Variants in KIAA1191 observed in about 807,000 individuals in gnomAD.
KIAA1191 encodes KIAA1191.
Under a neutral mutation model 31.1 loss-of-function variants are expected in KIAA1191, and 22 were observed. That is an observed-to-expected ratio of 0.71 (90% CI 0.51 to 1.01). KIAA1191 has a LOEUF of 1.01. Ranked by LOEUF, KIAA1191 falls within the 50% of genes least tolerant of loss-of-function variation. KIAA1191 has a pLI of 0.00. For missense variants in KIAA1191, 319 were observed against 388.0 expected (o/e 0.82, Z 1.49); for synonymous variants, 130 against 143.9 (o/e 0.90, Z 0.69).
intron 4 of KIAA1191, chr5:176,354,612 A>G (rs1049838650): frequency 2.0e-5 from 3 of 152,522 alleles, no homozygotes; most frequent in Non-Finnish European, 4.4e-5. Flanking sequence ...GAGGATGGCC[A>G]TGGGCAAAGG....
chr5:176,348,009 G>A lies in KIAA1191; in HGVS notation c.621C>T (p.Thr207=), dbSNP rs1393031936. ...CCTTATCCCCACTTCCAGAGTCCAT[G>A]GTGCTAGGATTTGGGCCAGGTAAGG... ...STALPGPNPS[T]MDSGSGDKDR... Residue 207 remains threonine, a synonymous_variant, in exon 8 of 9, where the codon ACC becomes ACT. Transcript: ENST00000298569. 1.9e-6 allele frequency: 3 copies of A among 1,614,104 alleles called. No homozygotes were observed. The East Asian group carries it at 6.7e-5, about 36-fold the overall frequency.
chr5:176,355,696 G>T lies in KIAA1191; in HGVS notation c.82C>A (p.Arg28Ser), dbSNP rs142174283. 5.6e-6 allele frequency: 9 copies of T among 1,613,618 alleles called. No homozygotes were observed. Among genetic ancestry groups the T allele is most frequent in the Non-Finnish European group, 7.6e-6 (9 of 1,180,038 alleles). The change falls in exon 4 of 9, where the codon CGC becomes AGC. Residue 28 changes from arginine to serine, a missense_variant. Arg to Ser is a moderately radical substitution (Grantham distance 110). Transcript: ENST00000298569. This position sits in a 1 kb window ranked among gnomAD's most constrained non-coding sequence, Gnocchi z 4.2. ...GKMSLPIGIY[R>S]RAVSYDDTLE... ...GTATCATCATAGCTGACTGCCCGGC[G>T]GTATATCCCGATGGGCAGGGACATC...
At chr5:176,353,450 G>A (rs1316485709) in intron 4 of KIAA1191, 1 of 152,204 alleles carries the variant, frequency 6.6e-6, no homozygotes, top group Admixed American at 6.5e-5. Context: ...GAGAGAACAA[G>A]ACTTATTCTT....
At chr5:176,357,434 T>A (rs897612641) in intron 3 of KIAA1191, among the ~76,000 whole-genome samples, 1 of 152,216 alleles carries the variant, frequency 6.6e-6, no homozygotes, top group Non-Finnish European at 1.5e-5. Flanking sequence ...GCATTACATC[T>A]CAAACACACA....
chr5:176,348,446 C>A, intron 6 of KIAA1191, 90 bp from the exon 7 acceptor site: 1 of 893,858 alleles, frequency 1.1e-6, no homozygotes, highest in South Asian at 1.6e-5. Flanking sequence ...GGTTCGCATT[C>A]TAACTTTAGG....
intron 5 of KIAA1191, among the ~76,000 whole-genome samples, chr5:176,352,168 C>CA (rs950163386): frequency 0.032 from 4,481 of 138,604 alleles, 84 homozygotes; most frequent in East Asian, 0.053. Context: ...AAAAAAAAAA[C>CA]AAAAAAAAAA....
chr5:176,353,321 GGTCTTT>G (rs1196320041), intron 4 of KIAA1191: 2 of 152,202 alleles, frequency 1.3e-5, no homozygotes, highest in Non-Finnish European at 2.9e-5. Context: ...TTCAAGTAAT[GGTCTTT>G]TGAAACAAAC....
rs1184808645 is a variant in KIAA1191, at chr5:176,359,494, T to C, written c.15A>G (p.Gln5=). 3.1e-6 allele frequency: 5 copies of C among 1,613,830 alleles called. No individual in the cohort carries two copies. Among genetic ancestry groups the C allele is most frequent in the Non-Finnish European group, 4.2e-6 (5 of 1,179,782 alleles). Residue 5 remains glutamine (Q), a synonymous_variant, in exon 3 of 9, where the codon CAA becomes CAG. Transcript: ENST00000298569. ...AATTAAGTTTACCAGGCACTTCTGG[T>C]TGTCTTGAAGCCATTGAAAGACTGG... MASR[Q]PEVPALEASA...
chr5:176,357,256 G>A (rs1027656950), intron 3 of KIAA1191: 8 of 151,922 alleles, frequency 5.3e-5, no homozygotes, highest in African/African-American at 1.7e-4. Context: ...AGCCAAGATC[G>A]TGCCACTGCA....
intron 1 of KIAA1191, among the ~76,000 whole-genome samples, chr5:176,360,257 C>T (rs575729666): frequency 1.3e-5 from 2 of 150,494 alleles, no homozygotes; most frequent in South Asian, 4.2e-4. Context: ...CCCGGGTTCA[C>T]GCCATTCTCC....
At position 176,347,587 on chromosome 5, in the gene KIAA1191, T is replaced by C; in HGVS notation, c.*13A>G. On this transcript the variant is annotated 3_prime_UTR_variant, in exon 9 of 9. Coordinates refer to ENST00000298569, the MANE Select transcript of KIAA1191 (RefSeq NM_020444.5). Reference sequence around the variant, plus strand: ...AAGAAACCACCTTTACCAGAATCCCTGGAAAGAGGGCTCTAGAAGCCAGTG... The same window carrying C: ...AAGAAACCACCTTTACCAGAATCCCCGGAAAGAGGGCTCTAGAAGCCAGTG... 1 of 1,472,342 alleles carries C rather than the reference T, an allele frequency of 6.8e-7. No homozygotes were observed. The highest frequency in any genetic ancestry group is 9.0e-7 in the Non-Finnish European group (1 of 1,110,000). 91.2% of individuals were successfully genotyped at this position (1,472,342 alleles called of 1,614,324 possible). A position where few individuals can be genotyped will look rare whatever the true frequency, so the allele number is the denominator to read the frequency against.
intron 5 of KIAA1191, among the ~76,000 whole-genome samples, chr5:176,352,178 A>AAAAC (rs1554119735): frequency 2.6e-4 from 39 of 149,080 alleles, no homozygotes; most frequent in Admixed American, 6.7e-4. Context: ...CAAAAAAAAA[A>AAAAC]ACAAAAACTG....
Position 176,350,610 on chromosome 5 carries a change from T to A in KIAA1191, c.459+3A>T. ...TGTTTTTTCAAAGTTCCTAAGAGCTTACGTGGAGTGCTTCGGCCACTCGAA... is the reference window on the plus strand; with the variant it reads ...TGTTTTTTCAAAGTTCCTAAGAGCTAACGTGGAGTGCTTCGGCCACTCGAA... On this transcript the variant is annotated splice_donor_region_variant and intron_variant, in intron 6 of 8. Transcript: ENST00000298569. 6.2e-7 allele frequency: 1 copy of A among 1,613,440 alleles called. No homozygotes were observed. Among genetic ancestry groups the A allele is most frequent in the Non-Finnish European group, 8.5e-7 (1 of 1,179,972 alleles).
Position 176,350,671 on chromosome 5 carries a change from G to A in KIAA1191, c.401C>T (p.Pro134Leu). 2 of 1,614,000 alleles carry A rather than the reference G, an allele frequency of 1.2e-6. No homozygotes were observed. Among genetic ancestry groups the A allele is most frequent in the Non-Finnish European group, 1.7e-6 (2 of 1,180,004 alleles). Residue 134 changes from proline to leucine, a missense_variant, in exon 6 of 9, where the codon CCC becomes CTC. Pro to Leu is a moderately conservative substitution (Grantham distance 98). Coordinates refer to ENST00000298569, the MANE Select transcript of KIAA1191 (RefSeq NM_020444.5). The part of the protein sequence containing the change: ...QAGLRDAGYT[P>L]HKGLTTEETK... Reference sequence around the variant, plus strand: ...CTCCTCGGTGGTGAGGCCCTTGTGGGGTGTGTAGCCAGCATCTCTCAGCCC... The same window carrying A: ...CTCCTCGGTGGTGAGGCCCTTGTGGAGTGTGTAGCCAGCATCTCTCAGCCC...
chr5:176,357,970 ATT>A (rs1408517225), intron 3 of KIAA1191, among the ~76,000 whole-genome samples: 1 of 152,178 alleles, frequency 6.6e-6, no homozygotes, highest in African/African-American at 2.4e-5. Flanking sequence ...GTTTTTACAT[ATT>A]TTGTTTAATC....
chr5:176,360,243 A>G (rs1187107569), intron 1 of KIAA1191, among the ~76,000 whole-genome samples: 1 of 135,382 alleles, frequency 7.4e-6, no homozygotes, highest in African/African-American at 2.9e-5. Flanking sequence ...TGCAAGCTCC[A>G]CCTCCCGGGT....
intron 2 of KIAA1191, 45 bp from the exon 3 acceptor site, chr5:176,359,612 A>G (rs752852254): frequency 1.9e-5 from 17 of 901,180 alleles, no homozygotes; most frequent in Non-Finnish European, 2.8e-5. Flanking sequence ...AGCAGCACCA[A>G]TGCTGTTCTT....
chr5:176,358,258 T>C (rs978800784), intron 3 of KIAA1191, among the ~76,000 whole-genome samples: 1 of 152,248 alleles, frequency 6.6e-6, no homozygotes, highest in African/African-American at 2.4e-5. Context: ...AAGGTGAGTT[T>C]AATCACTTTG....
rs72536779 is a variant in KIAA1191 at position 176,355,416 on chromosome 5, A to AAG, written c.207+154_207+155insCT. ...TAACAAAATAAATAAAATCTTAAAA[A>AAG]AAAAAAAAAGACAGCTATAACTGAG... On this transcript the variant is annotated intron_variant, in intron 4 of 8. Transcript: ENST00000298569. The surrounding 1 kb of genome is among the most constrained non-coding windows in gnomAD (Gnocchi z 4.2). Among the ~76,000 whole-genome samples, 1 of 68,142 alleles carries AAG rather than the reference A, an allele frequency of 1.5e-5. No individual in the cohort carries two copies. The highest frequency in any genetic ancestry group is 3.6e-5 in the Non-Finnish European group (1 of 27,928). 44.7% of individuals were successfully genotyped at this position (68,142 alleles called of 152,430 possible).
Sources: allele counts gnomAD v4.1 joint callset (sites outside exome capture counted in the v4.1 genomes callset), GRCh38; gene constraint gnomAD v4.1.1; non-coding constraint Gnocchi (gnomAD v3.1); transcripts MANE v1.5; gene names NCBI Gene and HGNC (gene_info 2026-07-23, HGNC 2026-07-21).